Variants in ITGA9 observed in about 807,000 individuals in gnomAD.
The protein encoded by ITGA9 is integrin subunit alpha 9.
ITGA9 carries 56 observed loss-of-function variants against 127.8 expected under a neutral mutation model. That is an observed-to-expected ratio of 0.44 (90% CI 0.35 to 0.55). The LOEUF (loss-of-function observed/expected upper bound fraction) is 0.55. ITGA9 is among the 20% of genes least tolerant of loss of function. ITGA9 has a pLI of 0.00. For missense variants in ITGA9, 1,196 were observed against 1,347.1 expected, an observed-to-expected ratio of 0.89 and a Z score of 1.76; for synonymous variants, 508 against 514.5, an observed-to-expected ratio of 0.99 and a Z score of 0.17.
At position 37,814,102 on chromosome 3, in the gene ITGA9, C is replaced by A. The variant is rs1034120445; in HGVS notation, c.3010-4789C>A. On this transcript the variant is annotated intron_variant, in intron 27 of 27. Transcript: ENST00000264741. The surrounding 1 kb of genome is among the most constrained non-coding windows in gnomAD (Gnocchi z 4.3). ...GGACAAAGACTCTGTGCCTTGTTCC[C>A]CCTTAGTGTGAGTCCTGAGTACCCA... Among the ~76,000 whole-genome samples, 1 of 152,000 alleles carries A rather than the reference C, an allele frequency of 6.6e-6. No individual in the cohort carries two copies. Among genetic ancestry groups the A allele is most frequent in the Non-Finnish European group, 1.5e-5 (1 of 68,002 alleles).
chr3:37,628,053 G>A (rs1700193359), intron 15 of ITGA9, among the ~76,000 whole-genome samples: 1 of 152,000 alleles, frequency 6.6e-6, no homozygotes, highest in African/African-American at 2.4e-5. Flanking sequence ...TGCTCCAAAC[G>A]CCCCCAAACT....
In ITGA9 at chr3:37,705,254, A is replaced by G. The variant is rs561897253; in HGVS notation, c.2067+21239A>G. Among the ~76,000 whole-genome samples the G allele has an allele frequency of 5.3e-5, 8 of 152,346 alleles. No homozygotes were observed. In the South Asian group the frequency reaches 1.7e-3, roughly 32 times the overall value. On this transcript the variant is annotated intron_variant, in intron 18 of 27. Coordinates refer to ENST00000264741, the MANE Select transcript of ITGA9 (RefSeq NM_002207.3). ...CCTTAATGAAAATAGAGGATTTTTA[A>G]TGGAGATCAGAATTTTCACTTATAA...
chr3:37,623,450 C>A (rs1011442251), intron 15 of ITGA9, among the ~76,000 whole-genome samples: 1 of 152,174 alleles, frequency 6.6e-6, no homozygotes, highest in Non-Finnish European at 1.5e-5. Flanking sequence ...AGCCTCTCAT[C>A]CCACACTGCT....
intron 15 of ITGA9, 70 bp downstream of exon 15, chr3:37,542,655 C>T: frequency 6.6e-7 from 1 of 1,515,500 alleles, no homozygotes; most frequent in Non-Finnish European, 9.1e-7. Flanking sequence ...CTGGTGGAAA[C>T]TATTTTTATT....
intron 15 of ITGA9, among the ~76,000 whole-genome samples, chr3:37,551,557 A>G (rs1016318883): frequency 1.2e-4 from 19 of 152,200 alleles, no homozygotes; most frequent in African/African-American, 4.6e-4. Context: ...TTAATCAGAA[A>G]TAACATATCA....
At chr3:37,671,039 G>A (rs752389637) in intron 17 of ITGA9, among the ~76,000 whole-genome samples, 18 of 152,248 alleles carry the variant, frequency 1.2e-4, no homozygotes, top group African/African-American at 3.6e-4. Context: ...GTGGCAGATC[G>A]TAGCAGCGGG....
Position 37,471,145 on chromosome 3 carries a change from A to G in ITGA9, c.313+11A>G. 1 of 1,613,768 alleles carries G rather than the reference A, an allele frequency of 6.2e-7. No individual in the cohort carries two copies. Among genetic ancestry groups the G allele is most frequent in the Non-Finnish European group, 8.5e-7 (1 of 1,179,874 alleles). On this transcript the variant is annotated intron_variant, in intron 2 of 27. Coordinates refer to ENST00000264741, the MANE Select transcript of ITGA9 (RefSeq NM_002207.3). ...TGGACATGGCTCGAGGTGGGTGACC[A>G]TTACTGCTGTGGTGGAAATGGGTTC... is the stretch of plus-strand genomic sequence containing the variant.
chr3:37,506,029 C>A lies in ITGA9; in HGVS notation c.772C>A (p.His258Asn). Reference protein sequence around the residue: ...GYAVTAGHFSHPSTIDVVGGA... With the variant: ...GYAVTAGHFSNPSTIDVVGGA... ...CGCAGTGACCGCTGGCCACTTCTCT[C>A]ACCCGTCCACCATTGATGTGGTAGG... is the stretch of plus-strand genomic sequence containing the variant. Residue 258 changes from histidine (H) to asparagine (N), a missense_variant, in exon 7 of 28, where the codon CAC becomes AAC. Physicochemically the swap from His to Asn is moderately conservative, Grantham distance 68. Coordinates refer to ENST00000264741, the MANE Select transcript of ITGA9 (RefSeq NM_002207.3). 1.9e-6 allele frequency: 3 copies of A among 1,609,662 alleles called. No homozygotes were observed. The highest frequency in any genetic ancestry group is 2.5e-6 in the Non-Finnish European group (3 of 1,178,210).
At chr3:37,656,953 G>T (rs775903603) in intron 17 of ITGA9, among the ~76,000 whole-genome samples, 15 of 150,412 alleles carry the variant, frequency 1.0e-4, no homozygotes, top group Non-Finnish European at 1.3e-4. Flanking sequence ...ATAATCATGT[G>T]TTTTTTTTTC....
rs191406358 is a variant in ITGA9, at chr3:37,782,103, A to G, written c.2787+2082A>G. Among the ~76,000 whole-genome samples, 425 of 152,364 alleles carry G rather than the reference A, an allele frequency of 2.8e-3. 3 individuals carry two copies. The highest frequency in any genetic ancestry group is 4.6e-3 in the Non-Finnish European group (314 of 68,036). ...GGCTGGAAAACCCCACGTCTGGAGA[A>G]GTACCTTCCTGAAATGTGTCCGCAG... On this transcript the variant is annotated intron_variant, in intron 25 of 27. Coordinates refer to ENST00000264741, the MANE Select transcript of ITGA9 (RefSeq NM_002207.3).
At chr3:37,727,231 G>A (rs1474719660) in intron 18 of ITGA9, among the ~76,000 whole-genome samples, 1 of 152,190 alleles carries the variant, frequency 6.6e-6, no homozygotes, top group Non-Finnish European at 1.5e-5. Flanking sequence ...CCATCAGAAA[G>A]TTGAAAAATC....
At chr3:37,487,962 G>C (rs1698627715) in intron 4 of ITGA9, among the ~76,000 whole-genome samples, 4 of 152,226 alleles carry the variant, frequency 2.6e-5, no homozygotes, top group Admixed American at 2.6e-4. Flanking sequence ...ACAGAGGGCA[G>C]ACGTGGGTCC....
intron 17 of ITGA9, among the ~76,000 whole-genome samples, chr3:37,666,123 C>T (rs958512800): frequency 9.2e-5 from 14 of 152,170 alleles, no homozygotes; most frequent in African/African-American, 3.4e-4. Flanking sequence ...CACATGAAAA[C>T]AGGTATCACT....
intron 15 of ITGA9, chr3:37,585,639 A>G (rs758378420): frequency 1.9e-6 from 1 of 516,580 alleles, no homozygotes; most frequent in Non-Finnish European, 3.9e-6. Context: ...AGGGAACATG[A>G]AGAATGTTTG....
At chr3:37,617,897 A>T (rs539313750) in intron 15 of ITGA9, among the ~76,000 whole-genome samples, 2 of 152,218 alleles carry the variant, frequency 1.3e-5, no homozygotes, top group East Asian at 3.9e-4. Context: ...CTTCTTTGCC[A>T]TGGGTTCAAA....
At chr3:37,623,677 GTGTGTGTGTGTGTC>G (rs1280647828) in intron 15 of ITGA9, among the ~76,000 whole-genome samples, 1 of 103,908 alleles carries the variant, frequency 9.6e-6, no homozygotes, top group South Asian at 2.4e-4. Context: ...GTGTGTATGT[GTGTGTGTGTGTGTC>G]TGTGTGTGTG....
At chr3:37,664,819 A>G (rs1700570382) in intron 17 of ITGA9, among the ~76,000 whole-genome samples, 1 of 152,002 alleles carries the variant, frequency 6.6e-6, no homozygotes, top group Admixed American at 6.5e-5. Flanking sequence ...TATCATCACT[A>G]TTATTGTTAT....
chr3:37,685,079 C>T (rs77900177), intron 18 of ITGA9, among the ~76,000 whole-genome samples: 4,065 of 152,250 alleles, frequency 0.027, 74 homozygotes, highest in Middle Eastern at 0.061. Context: ...CAGCATTGAA[C>T]GGGGTTGCCT....
intron 1 of ITGA9, among the ~76,000 whole-genome samples, chr3:37,460,750 C>T (rs919288097): frequency 3.9e-5 from 6 of 151,926 alleles, no homozygotes; most frequent in East Asian, 1.9e-4. Context: ...CCACCACACC[C>T]GGCTAATTTT....
Sources: allele counts gnomAD v4.1 joint callset (sites outside exome capture counted in the v4.1 genomes callset), GRCh38; gene constraint gnomAD v4.1.1; non-coding constraint Gnocchi (gnomAD v3.1); transcripts MANE v1.5; gene names NCBI Gene and HGNC (gene_info 2026-07-23, HGNC 2026-07-21).